Variants in LYG1 observed in about 807,000 individuals in gnomAD.
LYG1 encodes lysozyme g-like protein 1.
LYG1 carries 17 observed loss-of-function variants against 21.7 expected under a neutral mutation model. That is an observed-to-expected ratio of 0.78 (90% CI 0.54 to 1.18). The LOEUF is 1.18. Ranked by LOEUF, LYG1 falls within the 50% of genes most tolerant of loss-of-function variation. The pLI, the probability that LYG1 is intolerant of heterozygous loss-of-function variation, is 0.00. For synonymous variants in LYG1, 81 were observed against 87.4 expected (o/e 0.93, Z 0.41); for missense variants, 211 against 238.1 (o/e 0.89, Z 0.75).
intron 2 of LYG1, among the ~76,000 whole-genome samples, chr2:99,296,945 AG>A (rs2094138487): frequency 1.3e-5 from 2 of 152,106 alleles, no homozygotes; most frequent in South Asian, 4.1e-4. Context: ...TTGAGCCCAG[AG>A]GGTCAAGGGT....
At chr2:99,296,901 C>T (rs2094138328) in intron 2 of LYG1, among the ~76,000 whole-genome samples, 1 of 152,096 alleles carries the variant, frequency 6.6e-6, no homozygotes, top group Non-Finnish European at 1.5e-5. Context: ...ACCTGTAGTC[C>T]TAGCTACTTG....
chr2:99,284,566 G>A, intron 6 of LYG1, 55 bp from the exon 7 acceptor site: 1 of 1,596,100 alleles, frequency 6.3e-7, no homozygotes, highest in Non-Finnish European at 8.6e-7. Flanking sequence ...AGTTAACTCT[G>A]ATTCTCTTTA....
rs866043048 is a variant in LYG1, at chr2:99,292,482, T to C, written c.148+54A>G. ...TTCCAACACTCAGTAGCGTGAGGCA[T>C]GGGAAACAGTGAAAGCCGGGGGATA... On this transcript the variant is annotated intron_variant, in intron 4 of 6. Coordinates refer to ENST00000308528, the MANE Select transcript of LYG1 (RefSeq NM_174898.3). The C allele has an allele frequency of 1.8e-5, 24 of 1,325,748 alleles. No homozygotes were observed. The Middle Eastern group carries it at 3.8e-3, about 208-fold the overall frequency. The allele number at this position is 1,325,748 out of a possible 1,614,324, so 82.1% of individuals were successfully genotyped here.
intron 3 of LYG1, among the ~76,000 whole-genome samples, chr2:99,293,183 G>A (rs1299439283): frequency 6.6e-6 from 1 of 151,906 alleles, no homozygotes; most frequent in Non-Finnish European, 1.5e-5. Flanking sequence ...GTAGAGACGA[G>A]GTTTCACCAT....
upstream of LYG1, among the ~76,000 whole-genome samples, chr2:99,301,717 C>CA (rs10688800): frequency 5.7e-4 from 82 of 143,670 alleles, no homozygotes; most frequent in Admixed American, 6.9e-4. Context: ...GACTGTGTTC[C>CA]AAAAAAAAAA....
chr2:99,292,924 C>T (rs1456568569), intron 3 of LYG1, among the ~76,000 whole-genome samples: 6 of 150,670 alleles, frequency 4.0e-5, no homozygotes, highest in African/African-American at 1.5e-4. Context: ...TTGATGTTGT[C>T]AGGTGGTATC....
chr2:99,297,785 G>T (rs2094141247), intron 2 of LYG1, among the ~76,000 whole-genome samples: 1 of 152,176 alleles, frequency 6.6e-6, no homozygotes, highest in African/African-American at 2.4e-5. Flanking sequence ...CACGATCACG[G>T]CTCACTGCAG....
At chr2:99,288,007 ACT>A (rs2094106370) in intron 5 of LYG1, among the ~76,000 whole-genome samples, 1 of 152,016 alleles carries the variant, frequency 6.6e-6, no homozygotes, top group African/African-American at 2.4e-5. Flanking sequence ...TAATTGTTTT[ACT>A]TATTTTTCTT....
At chr2:99,288,932 C>G (rs2094110371) in intron 5 of LYG1, among the ~76,000 whole-genome samples, 1 of 152,142 alleles carries the variant, frequency 6.6e-6, no homozygotes, top group Non-Finnish European at 1.5e-5. Context: ...GATCCTTTGT[C>G]TCCCCACCAC....
chr2:99,290,121 G>T (rs967528069), intron 5 of LYG1, among the ~76,000 whole-genome samples: 13 of 152,170 alleles, frequency 8.5e-5, no homozygotes, highest in African/African-American at 3.1e-4. Flanking sequence ...TCCTCCCAAA[G>T]TGCTGGGATT....
chr2:99,291,408 A>G lies in LYG1; in HGVS notation c.162T>C (p.Ser54=). The change falls in exon 5 of 7, where the codon TCT becomes TCC. Residue 54 remains serine, a synonymous_variant. Transcript: ENST00000308528. The part of the protein sequence containing the change: ...HGLNYCGVRA[S]ERLAEIDMPY... The stretch of plus-strand genomic sequence containing the variant: ...GCATGTCTATTTCAGCCAGCCTTTC[A>G]GAAGCACGAACTCCTAAACCAAACG... 2 of 1,614,162 alleles carry G rather than the reference A, an allele frequency of 1.2e-6. No individual in the cohort carries two copies. The highest frequency in any genetic ancestry group is 1.7e-6 in the Non-Finnish European group (2 of 1,180,014).
chr2:99,284,472 C>T lies in LYG1; in HGVS notation c.506G>A (p.Arg169Gln), dbSNP rs764354528. The T allele has an allele frequency of 6.8e-6, 11 of 1,614,056 alleles. No homozygotes were observed. Among genetic ancestry groups the T allele is most frequent in the East Asian group, 2.2e-5 (1 of 44,902 alleles). ...CAYSGGAGYV[R>Q]SSQDLSCDFC... ...GTCACAGCTCAGGTCCTGGCTGCTT[C>T]GGACATAGCCAGCACCCCCACTGTA... Residue 169 changes from arginine (R) to glutamine (Q), a missense_variant, in exon 7 of 7, where the codon CGA becomes CAA. Physicochemically the swap from Arg to Gln is conservative, Grantham distance 43. Coordinates refer to ENST00000308528, the MANE Select transcript of LYG1 (RefSeq NM_174898.3).
upstream of LYG1, among the ~76,000 whole-genome samples, chr2:99,303,396 T>A (rs999675195): frequency 6.6e-6 from 1 of 151,814 alleles, no homozygotes; most frequent in Non-Finnish European, 1.5e-5. Context: ...CCTGGGAGGT[T>A]CTCCTGGGCA....
At chr2:99,294,421 A>G (rs2094130196) in intron 3 of LYG1, among the ~76,000 whole-genome samples, 1 of 152,220 alleles carries the variant, frequency 6.6e-6, no homozygotes, top group South Asian at 2.1e-4. Context: ...CTTCTACTTT[A>G]CAAACTTGTG....
At chr2:99,301,950 C>A (rs138297583), upstream of LYG1, among the ~76,000 whole-genome samples, 1,652 of 152,278 alleles carry the variant, frequency 0.011, 8 homozygotes, top group Middle Eastern at 0.024. Flanking sequence ...AGGAAGGATT[C>A]TTTCCCAAGT....
At chr2:99,287,455 T>G (rs2105290024) in intron 5 of LYG1, among the ~76,000 whole-genome samples, 1 of 152,180 alleles carries the variant, frequency 6.6e-6, no homozygotes, top group Middle Eastern at 3.4e-3. Context: ...GATGAAATAA[T>G]CTGTACAACA....
chr2:99,299,453 T>C (rs1319318543), intron 1 of LYG1, among the ~76,000 whole-genome samples: 2 of 151,162 alleles, frequency 1.3e-5, no homozygotes, highest in Non-Finnish European at 2.9e-5. Context: ...CAAAACATAG[T>C]CTGACTGTCA....
chr2:99,295,543 A>AT, intron 3 of LYG1, 85 bp downstream of exon 3: 1 of 1,484,510 alleles, frequency 6.7e-7, no homozygotes, highest in Non-Finnish European at 9.4e-7. Flanking sequence ...TTTTTGTTGC[A>AT]TTTTCAAGTA....
Position 99,288,422 on chromosome 2 carries a change from T to A in LYG1, c.333+2815A>T, listed in dbSNP as rs568130651. On this transcript the variant is annotated intron_variant, in intron 5 of 6. Transcript: ENST00000308528. ...GGATTTGGGCTTTTAATCTCGTTCA[T>A]ACATCTGTGTCTTTAAACCAGTAGG... is the stretch of plus-strand genomic sequence containing the variant. Among the ~76,000 whole-genome samples, 25 of 152,334 alleles carry A rather than the reference T, an allele frequency of 1.6e-4. 1 individual carries two copies. In the South Asian group the frequency reaches 5.0e-3, roughly 30 times the overall value.
Sources: gnomAD v4.1 joint callset for allele counts (sites outside exome capture counted in the v4.1 genomes callset) on GRCh38, gnomAD v4.1.1 for gene constraint, MANE v1.5 for transcripts, NCBI Gene and HGNC (gene_info 2026-07-23, HGNC 2026-07-21) for gene names.